Variants in SCGB2B2 observed in about 807,000 individuals in gnomAD.
The protein encoded by SCGB2B2 is secretoglobin-like protein.
SCGB2B2 carries 11 observed loss-of-function variants against 7.6 expected under a neutral mutation model. The observed-to-expected ratio is 1.45, with a 90% CI of 0.91 to 2.40. SCGB2B2 has a LOEUF of 2.40. SCGB2B2 is among the 30% of genes most tolerant of loss of function. The pLI is 0.00. For missense variants in SCGB2B2, 104 were observed against 115.4 expected (o/e 0.90, Z 0.45); for synonymous variants, 50 against 48.6 (o/e 1.03, Z -0.12).
At chr19:34,644,257 C>G (rs1447755455) in intron 1 of SCGB2B2, among the ~76,000 whole-genome samples, 1 of 151,648 alleles carries the variant, frequency 6.6e-6, no homozygotes, top group Admixed American at 6.6e-5. Context: ...TGGTCTCAAA[C>G]TTTTGGCCTC....
At chr19:34,666,573 C>T (rs967902896) in intron 1 of SCGB2B2, among the ~76,000 whole-genome samples, 4 of 152,132 alleles carry the variant, frequency 2.6e-5, no homozygotes, top group Non-Finnish European at 5.9e-5. Flanking sequence ...CCACCAGAAA[C>T]TCCACCTCTC....
At position 34,591,636 on chromosome 19, in the gene SCGB2B2, C is replaced by A. The variant is rs1310761464; in HGVS notation, c.*1919G>T. Among the ~76,000 whole-genome samples, 1 of 152,242 alleles carries A rather than the reference C, an allele frequency of 6.6e-6. No homozygotes were observed. The stretch of plus-strand genomic sequence containing the variant: ...GCACTTGCCTCGTTTTCTGACGTGA[C>A]CTCCTTCCCTGCTGCCCCTTGTTCC... On this transcript the variant is annotated 3_prime_UTR_variant, in exon 4 of 4. Coordinates refer to ENST00000601241, the MANE Select transcript of SCGB2B2 (RefSeq NM_001025591.4).
At chr19:34,670,165 G>A (rs372024296) in intron 1 of SCGB2B2, among the ~76,000 whole-genome samples, 7 of 152,142 alleles carry the variant, frequency 4.6e-5, no homozygotes, top group South Asian at 2.1e-4. Flanking sequence ...GCTCCAGGTC[G>A]AGCGTTTTGC....
intron 1 of SCGB2B2, among the ~76,000 whole-genome samples, chr19:34,621,069 TAA>T (rs1458137789): frequency 1.3e-5 from 2 of 152,228 alleles, no homozygotes; most frequent in African/African-American, 4.8e-5. Flanking sequence ...CCTGAAAGAT[TAA>T]AGTCGCATGA....
At chr19:34,659,061 C>G (rs1170365757) in intron 1 of SCGB2B2, among the ~76,000 whole-genome samples, 1 of 152,152 alleles carries the variant, frequency 6.6e-6, no homozygotes, top group Non-Finnish European at 1.5e-5. Context: ...TCAATGGATG[C>G]AGAAAAGGCC....
intron 1 of SCGB2B2, chr19:34,646,657 C>T (rs889178900): frequency 1.3e-5 from 2 of 152,552 alleles, no homozygotes; most frequent in African/African-American, 2.4e-5. Flanking sequence ...GGATCGTTGT[C>T]AGCGATGACT....
At chr19:34,632,383 C>T (rs2066558141) in intron 1 of SCGB2B2, among the ~76,000 whole-genome samples, 1 of 152,042 alleles carries the variant, frequency 6.6e-6, no homozygotes, top group Non-Finnish European at 1.5e-5. Flanking sequence ...GACTTGTATT[C>T]AATACTTATT....
At chr19:34,604,361 A>G (rs970020017) in intron 1 of SCGB2B2, among the ~76,000 whole-genome samples, 1 of 152,178 alleles carries the variant, frequency 6.6e-6, no homozygotes, top group East Asian at 1.9e-4. Flanking sequence ...TTAGTAAGTG[A>G]TGGTTCTTTA....
intron 1 of SCGB2B2, among the ~76,000 whole-genome samples, chr19:34,665,299 G>A (rs1275323508): frequency 1.3e-5 from 2 of 152,216 alleles, no homozygotes; most frequent in Non-Finnish European, 2.9e-5. Flanking sequence ...CCTAGAGATG[G>A]TCTAAACCTT....
chr19:34,619,509 T>C (rs1351740217), intron 1 of SCGB2B2, among the ~76,000 whole-genome samples: 1 of 152,148 alleles, frequency 6.6e-6, no homozygotes, highest in Non-Finnish European at 1.5e-5. Flanking sequence ...TCCAAAGAGA[T>C]GGCAAGCGAT....
chr19:34,648,986 T>C (rs2067094006), intron 1 of SCGB2B2, among the ~76,000 whole-genome samples: 1 of 152,214 alleles, frequency 6.6e-6, no homozygotes, highest in Non-Finnish European at 1.5e-5. Flanking sequence ...CACTGCAACC[T>C]CCGGCTCCCG....
intron 1 of SCGB2B2, among the ~76,000 whole-genome samples, chr19:34,628,155 C>G (rs145313479): frequency 0.019 from 2,961 of 151,930 alleles, 45 homozygotes; most frequent in East Asian, 0.067. Context: ...ACTAAATGCC[C>G]ACAAGAGAAA....
intron 1 of SCGB2B2, among the ~76,000 whole-genome samples, chr19:34,669,822 ATTATT>A (rs1305624000): frequency 1.3e-5 from 2 of 151,148 alleles, no homozygotes; most frequent in East Asian, 3.9e-4. Context: ...GGAAAACATT[ATTATT>A]TACATTTCCC....
chr19:34,585,704 T>C (rs1361124457), downstream of SCGB2B2, among the ~76,000 whole-genome samples: 1 of 152,124 alleles, frequency 6.6e-6, no homozygotes, highest in African/African-American at 2.4e-5. Flanking sequence ...GACGAAAGAA[T>C]AGGGAGTCAA....
chr19:34,662,549 A>C (rs2067489732), intron 1 of SCGB2B2, among the ~76,000 whole-genome samples: 1 of 152,122 alleles, frequency 6.6e-6, no homozygotes, highest in Non-Finnish European at 1.5e-5. Context: ...ATAAAGTATA[A>C]CATTGATAAA....
At chr19:34,626,250 T>A (rs2066373491) in intron 1 of SCGB2B2, among the ~76,000 whole-genome samples, 1 of 152,152 alleles carries the variant, frequency 6.6e-6, no homozygotes, top group South Asian at 2.1e-4. Flanking sequence ...GGAACAAAGA[T>A]GGACGGAGAG....
rs999021545 is a variant in SCGB2B2 at position 34,594,900 on chromosome 19, C to A, written c.-337G>T. ...AAGCCTGCAAGTCTGAGTGTGCATG[C>A]ACATGTGACCCTGTGTCTTGGCAAA... is the stretch of plus-strand genomic sequence containing the variant. On this transcript the variant is annotated 5_prime_UTR_variant, in exon 2 of 4. Coordinates refer to ENST00000601241, the MANE Select transcript of SCGB2B2 (RefSeq NM_001025591.4). 2 of 360,604 alleles carry A rather than the reference C, an allele frequency of 5.5e-6. No homozygotes were observed. The highest frequency in any genetic ancestry group is 6.2e-5 in the South Asian group (2 of 32,268). 22.3% of individuals were successfully genotyped at this position (360,604 alleles called of 1,614,324 possible). A position where few individuals can be genotyped will look rare whatever the true frequency, so the allele number is the denominator to read the frequency against.
At chr19:34,605,498 A>G (rs1317527629) in intron 1 of SCGB2B2, among the ~76,000 whole-genome samples, 1 of 152,210 alleles carries the variant, frequency 6.6e-6, no homozygotes, top group African/African-American at 2.4e-5. Flanking sequence ...CAATGAAATC[A>G]TGTAAGATGT....
At chr19:34,613,205 T>G (rs2065983209) in intron 1 of SCGB2B2, among the ~76,000 whole-genome samples, 1 of 152,084 alleles carries the variant, frequency 6.6e-6, no homozygotes, top group Non-Finnish European at 1.5e-5. Flanking sequence ...TTCAAGTGAT[T>G]CTCCTGCCTT....
Sources: allele counts gnomAD v4.1 joint callset (sites outside exome capture counted in the v4.1 genomes callset), GRCh38; gene constraint gnomAD v4.1.1; transcripts MANE v1.5; gene names NCBI Gene and HGNC (gene_info 2026-07-23, HGNC 2026-07-21).